Variants in OR51B5 observed in about 807,000 individuals in gnomAD.
OR51B5 encodes the protein olfactory receptor 51B5.
For missense variants in OR51B5, 456 were observed against 374.6 expected, an observed-to-expected ratio of 1.22 and a Z score of -1.79; for synonymous variants, 186 against 144.8, an observed-to-expected ratio of 1.28 and a Z score of -2.04.
chr11:5,388,783 G>T (rs1849743190), intron 1 of OR51B5, among the ~76,000 whole-genome samples: 1 of 151,996 alleles, frequency 6.6e-6, no homozygotes, highest in Non-Finnish European at 1.5e-5. Context: ...GAATAGTCCT[G>T]AAAGAGTGAT....
intron 1 of OR51B5, among the ~76,000 whole-genome samples, chr11:5,497,796 C>G (rs1851670852): frequency 6.6e-6 from 1 of 152,090 alleles, no homozygotes; most frequent in Admixed American, 6.5e-5. Flanking sequence ...TGCCAGCTAC[C>G]CATGGAGTTT....
At chr11:5,350,916 G>A (rs1849071795) in intron 1 of OR51B5, among the ~76,000 whole-genome samples, 1 of 152,018 alleles carries the variant, frequency 6.6e-6, no homozygotes, top group Non-Finnish European at 1.5e-5. Flanking sequence ...TTCCCTCCAG[G>A]AATATTGAAG....
At chr11:5,349,025 GC>G (rs1849035415) in intron 1 of OR51B5, among the ~76,000 whole-genome samples, 1 of 152,106 alleles carries the variant, frequency 6.6e-6, no homozygotes, top group Non-Finnish European at 1.5e-5. Flanking sequence ...TCTGCATAGA[GC>G]CATCAGTTTA....
intron 1 of OR51B5, among the ~76,000 whole-genome samples, chr11:5,380,440 G>C (rs965990464): frequency 6.6e-6 from 1 of 152,138 alleles, no homozygotes; most frequent in African/African-American, 2.4e-5. Context: ...AGTTCTTCTG[G>C]GAAGGACTTG....
intron 1 of OR51B5, among the ~76,000 whole-genome samples, chr11:5,448,741 G>A (rs140135644): frequency 1.3e-5 from 2 of 152,280 alleles, no homozygotes; most frequent in Non-Finnish European, 2.9e-5. Flanking sequence ...TCCCCCATCT[G>A]TCTGTTTCTG....
chr11:5,418,946 GT>G (rs1333391590), intron 1 of OR51B5, among the ~76,000 whole-genome samples: 2 of 150,992 alleles, frequency 1.3e-5, no homozygotes, highest in Non-Finnish European at 2.9e-5. Flanking sequence ...TTTGGTGAGT[GT>G]TTCTTGATAT....
chr11:5,489,517 G>C, intron 1 of OR51B5: 1 of 1,613,956 alleles, frequency 6.2e-7, no homozygotes. Context: ...TGGTCACCAC[G>C]AAGTCCCCAA....
Position 5,354,527 on chromosome 11 carries a change from G to A in OR51B5, n.85-7617C>T, listed in dbSNP as rs146422243. ...CTTGCAGTTCTCTTTGTGGAGTCCC[G>A]TGAAACAGAGCAGAGCTCTGGGCTC... is the stretch of plus-strand genomic sequence containing the variant. On this transcript the variant is annotated intron_variant and non_coding_transcript_variant, in intron 1 of 4. Transcript: ENST00000415970. Among the ~76,000 whole-genome samples the A allele has an allele frequency of 1.4e-4, 21 of 152,226 alleles. No homozygotes were observed. The East Asian group carries it at 1.9e-3, about 14-fold the overall frequency.
chr11:5,364,766 G>C (rs1333580773), intron 1 of OR51B5, among the ~76,000 whole-genome samples: 1 of 152,126 alleles, frequency 6.6e-6, no homozygotes, highest in East Asian at 1.9e-4. Context: ...TGTTTACAGG[G>C]TCCCCCCACC....
intron 1 of OR51B5, among the ~76,000 whole-genome samples, chr11:5,375,736 G>T (rs1333931745): frequency 1.3e-5 from 2 of 151,892 alleles, no homozygotes; most frequent in African/African-American, 2.4e-5. Flanking sequence ...AATGGTAAAG[G>T]GATCAATTCA....
chr11:5,390,211 C>T (rs1364648596), intron 1 of OR51B5: 26 of 1,614,006 alleles, frequency 1.6e-5, no homozygotes, highest in Non-Finnish European at 2.1e-5. Flanking sequence ...TGGGGCTGTC[C>T]CTGGTGCACC....
In OR51B5 at chr11:5,416,200, G is replaced by C. The variant is rs578013487; in HGVS notation, n.85-69290C>G. ...CCACATGATTATCTCAATAGATGCA[G>C]AAAAGGCCTTTGACAAAATTCAACA... On this transcript the variant is annotated intron_variant and non_coding_transcript_variant, in intron 1 of 4. Transcript: ENST00000415970. Among the ~76,000 whole-genome samples the C allele has an allele frequency of 3.5e-5, 5 of 144,592 alleles. No individual in the cohort carries two copies. The East Asian group carries it at 1.0e-3, about 29-fold the overall frequency. The allele number at this position is 144,592 out of a possible 152,430, so 94.9% of individuals were successfully genotyped here. A position where few individuals can be genotyped will look rare whatever the true frequency, so the allele number is the denominator to read the frequency against.
intron 1 of OR51B5, chr11:5,392,579 C>T (rs1849812178): frequency 6.6e-6 from 1 of 152,212 alleles, no homozygotes; most frequent in Non-Finnish European, 1.5e-5. Flanking sequence ...ATTAACATAT[C>T]TTAATTTGTT....
At chr11:5,413,491 C>T (rs1850184320) in intron 1 of OR51B5, among the ~76,000 whole-genome samples, 1 of 152,052 alleles carries the variant, frequency 6.6e-6, no homozygotes, top group Admixed American at 6.5e-5. Context: ...CTACGAGCTA[C>T]AGGAGGAAAT....
intron 1 of OR51B5, among the ~76,000 whole-genome samples, chr11:5,440,204 G>A (rs968742736): frequency 1.1e-4 from 17 of 152,096 alleles, no homozygotes; most frequent in African/African-American, 2.2e-4. Flanking sequence ...CTCTGGGCAG[G>A]AGCAGAATTA....
At chr11:5,403,479 A>G in intron 1 of OR51B5, 2 of 471,764 alleles carry the variant, frequency 4.2e-6, no homozygotes, top group Non-Finnish European at 8.8e-6. Context: ...TATTGTCTAC[A>G]GCATTAAGAC....
chr11:5,343,474 G>A, exon 1 of OR51B5: 1 of 1,518,968 alleles, frequency 6.6e-7, no homozygotes, highest in Non-Finnish European at 9.1e-7. Context: ...CTTCCTCCAA[G>A]CCTGGAAAAC....
At chr11:5,385,445 A>C (rs575720426) in intron 1 of OR51B5, 2 of 152,302 alleles carry the variant, frequency 1.3e-5, no homozygotes, top group East Asian at 3.9e-4. Context: ...AGGCACAAAG[A>C]ATCAGGATAA....
intron 1 of OR51B5, among the ~76,000 whole-genome samples, chr11:5,410,459 C>T (rs566054494): frequency 6.6e-6 from 1 of 152,196 alleles, no homozygotes; most frequent in South Asian, 2.1e-4. Flanking sequence ...TAGTAAAATA[C>T]GGTCATGTTT....
Sources: gnomAD v4.1 joint callset for allele counts (sites outside exome capture counted in the v4.1 genomes callset) on GRCh38, gnomAD v4.1.1 for gene constraint, MANE v1.5 for transcripts, NCBI Gene and HGNC (gene_info 2026-07-23, HGNC 2026-07-21) for gene names.